Variants in PCDHA7 observed in about 807,000 individuals in gnomAD.
PCDHA7 encodes protocadherin alpha 7, also known as protocadherin alpha-7.
PCDHA7 carries 37 observed loss-of-function variants against 57.2 expected under a neutral mutation model. The observed-to-expected ratio is 0.65, with a 90% CI of 0.50 to 0.85. The LOEUF is 0.85. PCDHA7 is among the 40% of genes least tolerant of loss of function. The pLI is 0.00. For missense variants in PCDHA7, 1,188 were observed against 1,241.8 expected (o/e 0.96, Z 0.65); for synonymous variants, 553 against 558.8 (o/e 0.99, Z 0.15).
chr5:141,009,745 A>G lies in PCDHA7; in HGVS notation c.2622A>G (p.Lys874=). The G allele has an allele frequency of 6.2e-7, 1 of 1,614,104 alleles. No individual in the cohort carries two copies. The highest frequency in any genetic ancestry group is 8.5e-7 in the Non-Finnish European group (1 of 1,180,006). The part of the protein sequence containing the change: ...KQSGPGELPD[K]FIIPGSPAII... ...CCGGTCCCGGTGAGTTGCCCGACAA[A>G]TTCATTATCCCAGGATCTCCTGCAA... Residue 874 remains lysine, a synonymous_variant, in exon 4 of 4, where the codon AAA becomes AAG. Coordinates refer to ENST00000525929, the MANE Select transcript of PCDHA7 (RefSeq NM_018910.3).
intron 1 of PCDHA7, chr5:140,865,095 C>T (rs1163378400): frequency 2.0e-5 from 3 of 152,198 alleles, no homozygotes; most frequent in African/African-American, 7.2e-5. Context: ...TTAATAAAGG[C>T]ACTTCCACTT....
intron 3 of PCDHA7, among the ~76,000 whole-genome samples, chr5:140,992,995 A>C (rs1347087034): frequency 2.0e-5 from 3 of 152,202 alleles, no homozygotes; most frequent in African/African-American, 7.2e-5. Context: ...GACCCATGAA[A>C]GAGCCTCCCC....
rs782426631 is a variant in PCDHA7, at chr5:140,982,476, T to G, written c.2416T>G (p.Ser806Ala). The change falls in exon 3 of 4, where the codon TCT becomes GCT. Residue 806 changes from serine to alanine, a missense_variant and splice_region_variant. By Grantham distance (99) the Ser-to-Ala change is moderately conservative (BLOSUM62 1). Around this residue, in one of 3 missense-constraint regions of PCDHA7, gnomAD observed 892 missense variants for 788.5 expected, o/e 1.13. Coordinates refer to ENST00000525929, the MANE Select transcript of PCDHA7 (RefSeq NM_018910.3). The part of the protein sequence containing the change: ...SASLRAGMHS[S>A]VHLEEAGILR... Reference sequence around the variant, plus strand: ...ATCTGGGTCTGTGTGTTTATTCAGCTCTGTGCACCTAGAGGAGGCTGGCAT... The same window carrying G: ...ATCTGGGTCTGTGTGTTTATTCAGCGCTGTGCACCTAGAGGAGGCTGGCAT... 9.3e-6 allele frequency: 15 copies of G among 1,614,064 alleles called. No individual in the cohort carries two copies. The African/African-American group carries it at 2.0e-4, about 22-fold the overall frequency.
At chr5:140,896,318 C>T (rs1036368074) in intron 1 of PCDHA7, among the ~76,000 whole-genome samples, 8 of 152,150 alleles carry the variant, frequency 5.3e-5, no homozygotes, top group African/African-American at 1.9e-4. Flanking sequence ...AACTGCTTTC[C>T]ACAGTGGCTA....
At chr5:140,917,206 T>G (rs1313611985) in intron 1 of PCDHA7, among the ~76,000 whole-genome samples, 1 of 152,104 alleles carries the variant, frequency 6.6e-6, no homozygotes, top group Admixed American at 6.5e-5. Context: ...CCCTCTTCAA[T>G]GCCTCTTTTA....
At chr5:140,971,292 T>C (rs1194622162) in intron 1 of PCDHA7, among the ~76,000 whole-genome samples, 1 of 152,210 alleles carries the variant, frequency 6.6e-6, no homozygotes, top group Non-Finnish European at 1.5e-5. Flanking sequence ...TAATATGTAC[T>C]TTGGTACACA....
intron 1 of PCDHA7, chr5:140,875,549 T>G: frequency 1.2e-6 from 2 of 1,613,916 alleles, no homozygotes; most frequent in Non-Finnish European, 1.7e-6. Flanking sequence ...GCCTGGGAGG[T>G]GGGGAGCGGC....
At chr5:140,940,564 T>G (rs1481591678) in intron 1 of PCDHA7, among the ~76,000 whole-genome samples, 2 of 152,228 alleles carry the variant, frequency 1.3e-5, no homozygotes, top group African/African-American at 4.8e-5. Flanking sequence ...TTCTCCTACC[T>G]TGGCTCCCAA....
intron 1 of PCDHA7, chr5:140,853,207 G>A: frequency 2.0e-6 from 2 of 983,504 alleles, no homozygotes; most frequent in Non-Finnish European, 2.5e-6. Context: ...ATTGACGGCT[G>A]TATTGATGGG....
At chr5:140,851,092 A>T (rs371116217) in intron 1 of PCDHA7, 1 of 1,292,902 alleles carries the variant, frequency 7.7e-7, no homozygotes, top group African/African-American at 1.5e-5. Flanking sequence ...TATTAAATAG[A>T]TATTTTTTGG....
At chr5:140,905,333 T>A (rs180881008) in intron 1 of PCDHA7, among the ~76,000 whole-genome samples, 2 of 152,324 alleles carry the variant, frequency 1.3e-5, no homozygotes, top group Admixed American at 1.3e-4. Flanking sequence ...TTGTTGAAGA[T>A]CAGTTGGCTG....
intron 3 of PCDHA7, among the ~76,000 whole-genome samples, chr5:140,995,258 A>C (rs2097672609): frequency 6.6e-6 from 1 of 152,164 alleles, no homozygotes; most frequent in Non-Finnish European, 1.5e-5. Flanking sequence ...AGGGTACTTG[A>C]ATACAAGCCC....
intron 1 of PCDHA7, among the ~76,000 whole-genome samples, chr5:140,953,627 T>C (rs1298172951): frequency 6.6e-6 from 1 of 152,178 alleles, no homozygotes; most frequent in Non-Finnish European, 1.5e-5. Context: ...ATTTGCTTTA[T>C]GTATTTTGGC....
chr5:140,903,647 T>A (rs1583499959), intron 1 of PCDHA7, among the ~76,000 whole-genome samples: 1 of 152,228 alleles, frequency 6.6e-6, no homozygotes, highest in East Asian at 1.9e-4. Flanking sequence ...ACCATATACA[T>A]ATATTATAAA....
chr5:140,966,786 G>A (rs1554228650), intron 1 of PCDHA7: 2 of 1,526,000 alleles, frequency 1.3e-6, no homozygotes, highest in Admixed American at 1.9e-5. Context: ...GCGGGCACCA[G>A]ACCTGCGGCG....
Position 140,918,450 on chromosome 5 carries a change from G to A in PCDHA7, c.2356-60499G>A, listed in dbSNP as rs7725108. On this transcript the variant is annotated intron_variant, in intron 1 of 3. Transcript: ENST00000525929. ...TGTTGAATAGGAGTGGTGACAGTGGGCATCCTTGTCTTATTCCAAGTCTCA... is the reference window on the plus strand; with the variant it reads ...TGTTGAATAGGAGTGGTGACAGTGGACATCCTTGTCTTATTCCAAGTCTCA... Among the ~76,000 whole-genome samples, 323 of 152,246 alleles carry A rather than the reference G, an allele frequency of 2.1e-3. 2 individuals carry two copies. The highest frequency in any genetic ancestry group is 7.4e-3 in the African/African-American group (306 of 41,540).
chr5:140,869,302 G>T lies in PCDHA7; in HGVS notation c.2355+32564G>T. ...GCTGGTGCAGCGCCTGTTCCGGGTGGCGTCCAAAACACATGGGGACCTTCT... is the reference window on the plus strand; with the variant it reads ...GCTGGTGCAGCGCCTGTTCCGGGTGTCGTCCAAAACACATGGGGACCTTCT... On this transcript the variant is annotated intron_variant, in intron 1 of 3. Coordinates refer to ENST00000525929, the MANE Select transcript of PCDHA7 (RefSeq NM_018910.3). The T allele has an allele frequency of 6.2e-7, 1 of 1,613,642 alleles. No homozygotes were observed. Among genetic ancestry groups the T allele is most frequent in the Non-Finnish European group, 8.5e-7 (1 of 1,179,984 alleles).
At chr5:140,871,438 C>G (rs1246532449) in intron 1 of PCDHA7, 3 of 1,611,836 alleles carry the variant, frequency 1.9e-6, no homozygotes, top group Middle Eastern at 1.7e-4. Flanking sequence ...TCCTCTAGGT[C>G]TGAATAAAGA....
chr5:140,850,627 T>C lies in PCDHA7; in HGVS notation c.2355+13889T>C, dbSNP rs2150491342. 1.9e-6 allele frequency: 3 copies of C among 1,598,642 alleles called. No individual in the cohort carries two copies. The South Asian group carries it at 3.3e-5, about 18-fold the overall frequency. ...GCCATCTGCGCGGTGTCTAGCCTGT[T>C]GGTTCTCACGCTGCTGCTGTACACT... On this transcript the variant is annotated intron_variant, in intron 1 of 3. Transcript: ENST00000525929.
Sources: allele counts gnomAD v4.1 joint callset (sites outside exome capture counted in the v4.1 genomes callset), GRCh38; gene constraint gnomAD v4.1.1; regional missense constraint gnomAD v4.1.1; transcripts MANE v1.5; gene names NCBI Gene and HGNC (gene_info 2026-07-23, HGNC 2026-07-21).